CLSTN2: variants seen among roughly 807,000 people sequenced by gnomAD.
CLSTN2 encodes the protein calsyntenin-2.
CLSTN2 carries 48 observed loss-of-function variants against 101.2 expected under a neutral mutation model. That is an observed-to-expected ratio of 0.47 (90% CI 0.38 to 0.60). CLSTN2 has a LOEUF of 0.60. Among genes scored for constraint, CLSTN2 ranks in the 20% least tolerant of loss-of-function variants. The pLI is 0.00. For synonymous variants in CLSTN2, 481 were observed against 463.6 expected (o/e 1.04, Z -0.48); for missense variants, 1,160 against 1,238.2 (o/e 0.94, Z 0.95).
intron 1 of CLSTN2, among the ~76,000 whole-genome samples, chr3:140,154,714 G>A (rs1044312685): frequency 3.7e-5 from 5 of 136,402 alleles, no homozygotes; most frequent in Non-Finnish European, 4.5e-5. Context: ...GCCCGATCTC[G>A]GCTCACTACA....
chr3:140,087,807 G>C (rs1018297023), intron 1 of CLSTN2, among the ~76,000 whole-genome samples: 1 of 152,158 alleles, frequency 6.6e-6, no homozygotes, highest in Non-Finnish European at 1.5e-5. Flanking sequence ...TGAGTTAAGT[G>C]GATAAGTTGT....
chr3:140,306,415 C>T (rs1309335397), intron 2 of CLSTN2, among the ~76,000 whole-genome samples: 1 of 151,912 alleles, frequency 6.6e-6, no homozygotes, highest in South Asian at 2.1e-4. Flanking sequence ...AAAAAAAAAA[C>T]TCAGGTTTTA....
chr3:140,266,396 T>C (rs2086694343), intron 2 of CLSTN2, among the ~76,000 whole-genome samples: 1 of 152,222 alleles, frequency 6.6e-6, no homozygotes, highest in Non-Finnish European at 1.5e-5. Context: ...GTAGTGGTTG[T>C]CTTGATGTTC....
At chr3:140,119,839 G>T (rs577335683) in intron 1 of CLSTN2, among the ~76,000 whole-genome samples, 1 of 152,244 alleles carries the variant, frequency 6.6e-6, no homozygotes, top group Admixed American at 6.5e-5. Context: ...CACTGATTTG[G>T]GAGTCTTTGC....
chr3:140,216,579 G>A (rs4269048), intron 2 of CLSTN2, among the ~76,000 whole-genome samples: 142,902 of 152,210 alleles, frequency 0.94, 67,745 homozygotes, highest in East Asian at 1. Flanking sequence ...CTCAGTTGCT[G>A]ATTAGAATGC....
intron 5 of CLSTN2, among the ~76,000 whole-genome samples, chr3:140,429,099 A>G (rs150740997): frequency 1.3e-5 from 2 of 152,302 alleles, no homozygotes; most frequent in African/African-American, 4.8e-5. Flanking sequence ...TCAGCATTAG[A>G]TTAGCAGCAA....
chr3:140,336,749 C>T (rs368813581), intron 2 of CLSTN2, among the ~76,000 whole-genome samples: 1 of 152,170 alleles, frequency 6.6e-6, no homozygotes, highest in Non-Finnish European at 1.5e-5. Context: ...GAGGGGAGAG[C>T]TTTTGTATCT....
At chr3:140,028,554 C>T (rs758776091) in intron 1 of CLSTN2, among the ~76,000 whole-genome samples, 4 of 152,048 alleles carry the variant, frequency 2.6e-5, no homozygotes, top group South Asian at 2.1e-4. Context: ...TCAAATACAA[C>T]GATCGGAAAA....
chr3:140,469,496 C>T (rs1454909702), intron 8 of CLSTN2, among the ~76,000 whole-genome samples: 1 of 152,090 alleles, frequency 6.6e-6, no homozygotes. Context: ...CACTTGATGC[C>T]CAGAATGTGC....
intron 2 of CLSTN2, among the ~76,000 whole-genome samples, chr3:140,274,642 A>C (rs942532075): frequency 6.6e-6 from 1 of 152,100 alleles, no homozygotes; most frequent in African/African-American, 2.4e-5. Context: ...GTTTCCCAGC[A>C]TTAGTGTAAG....
At chr3:140,060,456 G>A (rs2008184881) in intron 1 of CLSTN2, among the ~76,000 whole-genome samples, 1 of 152,190 alleles carries the variant, frequency 6.6e-6, no homozygotes, top group South Asian at 2.1e-4. Flanking sequence ...ACAAGGGTAA[G>A]GGTGGGCTTG....
chr3:140,034,617 C>T (rs543749295), intron 1 of CLSTN2, among the ~76,000 whole-genome samples: 53 of 152,314 alleles, frequency 3.5e-4, no homozygotes, highest in African/African-American at 1.3e-3. Context: ...CTCTCTTTTG[C>T]CAGAGCATCT....
At chr3:139,973,559 A>G (rs73224960) in intron 1 of CLSTN2, among the ~76,000 whole-genome samples, 17,197 of 152,156 alleles carry the variant, frequency 0.11, 1,057 homozygotes, top group East Asian at 0.15. Context: ...TAGAGGGAGA[A>G]TAGGAACTTG....
intron 2 of CLSTN2, among the ~76,000 whole-genome samples, chr3:140,286,569 T>C (rs1199869123): frequency 6.6e-6 from 1 of 152,200 alleles, no homozygotes; most frequent in Non-Finnish European, 1.5e-5. Flanking sequence ...GTGTCTACCA[T>C]AGATACGATG....
intron 1 of CLSTN2, among the ~76,000 whole-genome samples, chr3:140,116,109 A>G (rs1387446055): frequency 2.0e-5 from 3 of 152,202 alleles, no homozygotes; most frequent in Non-Finnish European, 4.4e-5. Flanking sequence ...CAGCAGCTGA[A>G]GTGGGAATAT....
chr3:139,963,206 T>C (rs966866), intron 1 of CLSTN2, among the ~76,000 whole-genome samples: 38,949 of 151,858 alleles, frequency 0.26, 5,022 homozygotes, highest in East Asian at 0.28. Context: ...AGCCTCTGCT[T>C]CCCACACAGG....
intron 2 of CLSTN2, among the ~76,000 whole-genome samples, chr3:140,207,903 G>T (rs964682627): frequency 5.9e-5 from 9 of 151,838 alleles, no homozygotes; most frequent in African/African-American, 2.2e-4. Context: ...TTGGTTATGG[G>T]GTGTGTGAGT....
At chr3:140,086,353 G>A (rs1234175227) in intron 1 of CLSTN2, among the ~76,000 whole-genome samples, 1 of 152,092 alleles carries the variant, frequency 6.6e-6, no homozygotes, top group African/African-American at 2.4e-5. Flanking sequence ...TTAAATCCTA[G>A]CTCTAATATT....
At chr3:140,434,172 CA>C (rs1300533109) in intron 5 of CLSTN2, among the ~76,000 whole-genome samples, 1 of 152,194 alleles carries the variant, frequency 6.6e-6, no homozygotes, top group Non-Finnish European at 1.5e-5. Context: ...GTGGGCAGAA[CA>C]GTGCCCCCTT....
Sources: gnomAD v4.1 joint callset for allele counts (sites outside exome capture counted in the v4.1 genomes callset) on GRCh38, gnomAD v4.1.1 for gene constraint, MANE v1.5 for transcripts, NCBI Gene and HGNC (gene_info 2026-07-23, HGNC 2026-07-21) for gene names.